The following CCDC30 variants were observed in gnomAD, a reference collection of about 807,000 sequenced individuals.
CCDC30 encodes coiled-coil domain containing 30.
Under a neutral mutation model 100.2 loss-of-function variants are expected in CCDC30, and 70 were observed. The ratio of observed to expected loss-of-function variants is 0.70; its 90% CI spans 0.58 to 0.85. The LOEUF is 0.85. Ranked by LOEUF, CCDC30 falls within the 40% of genes least tolerant of loss-of-function variation. CCDC30 has a pLI of 0.00. For missense variants in CCDC30, 652 were observed against 771.2 expected, an observed-to-expected ratio of 0.85 and a Z score of 1.83; for synonymous variants, 233 against 269.5, an observed-to-expected ratio of 0.86 and a Z score of 1.33.
intron 4 of CCDC30, among the ~76,000 whole-genome samples, chr1:42,495,851 A>G (rs1411163230): frequency 6.6e-6 from 1 of 152,238 alleles, no homozygotes; most frequent in African/African-American, 2.4e-5. Flanking sequence ...TGAAGAAGAG[A>G]ATACTTCCCA....
intron 6 of CCDC30, chr1:42,510,096 G>C: frequency 1.0e-6 from 1 of 985,360 alleles, no homozygotes. Flanking sequence ...TGTAGATGGT[G>C]GGCAGGAAGA....
At chr1:42,638,984 C>T (rs183922887) in intron 12 of CCDC30, among the ~76,000 whole-genome samples, 1 of 152,188 alleles carries the variant, frequency 6.6e-6, no homozygotes, top group Admixed American at 6.5e-5. Flanking sequence ...TCTATATTAT[C>T]AGTTCTTTTT....
At chr1:42,589,043 A>G (rs1366312527) in intron 9 of CCDC30, among the ~76,000 whole-genome samples, 1 of 152,178 alleles carries the variant, frequency 6.6e-6, no homozygotes, top group African/African-American at 2.4e-5. Flanking sequence ...CCCTACCTCC[A>G]CTTTGTCTTA....
Position 42,641,215 on chromosome 1 carries a change from TTGTGTGTGTG to T in CCDC30, c.1420-1221_1420-1212del, listed in dbSNP as rs71065188. On this transcript the variant is annotated intron_variant, in intron 12 of 16. Coordinates refer to ENST00000668663, the Ensembl canonical transcript of CCDC30. ...CAGCCTTGAACTCCACACATGGCTT[TTGTGTGTGTG>T]TGTGTGTGTGTGTGTGTGTGTGTGT... 8.8e-4 allele frequency among the ~76,000 whole-genome samples: 117 copies of T among 132,440 alleles called. 1 individual carries two copies. Among genetic ancestry groups the T allele is most frequent in the African/African-American group, 3.1e-3 (109 of 35,334 alleles). The allele number at this position is 132,440 out of a possible 152,430, so 86.9% of individuals were successfully genotyped here. A position where few individuals can be genotyped will look rare whatever the true frequency, so the allele number is the denominator to read the frequency against.
At chr1:42,642,366 A>G in intron 12 of CCDC30, 107 bp from the exon 17 acceptor site, 3 of 1,034,216 alleles carry the variant, frequency 2.9e-6, no homozygotes, top group Non-Finnish European at 4.0e-6. Context: ...ACAGGAAAAA[A>G]AAAGTAAATA....
intron 15 of CCDC30, among the ~76,000 whole-genome samples, chr1:42,646,546 G>A (rs542934376): frequency 7.9e-5 from 12 of 152,318 alleles, no homozygotes; most frequent in Admixed American, 5.2e-4. Context: ...CCTGAAGACA[G>A]GCATATCCCT....
rs546407326 is a variant in CCDC30, at chr1:42,539,077, A to G, written c.457-27219A>G. Reference sequence around the variant, plus strand: ...GAATATTTAAAACAAAAAATTTGTCAGGACCATTTCAAGATTCATTCTTAA... The same window carrying G: ...GAATATTTAAAACAAAAAATTTGTCGGGACCATTTCAAGATTCATTCTTAA... On this transcript the variant is annotated intron_variant, in intron 6 of 16. Transcript: ENST00000668663. The G allele has an allele frequency of 2.9e-6, 3 of 1,027,936 alleles. No individual in the cohort carries two copies. In the African/African-American group the frequency reaches 5.0e-5, roughly 17 times the overall value. The allele number at this position is 1,027,936 out of a possible 1,614,324, so 63.7% of individuals were successfully genotyped here.
intron 11 of CCDC30, among the ~76,000 whole-genome samples, chr1:42,633,697 G>C (rs1647086029): frequency 6.6e-6 from 1 of 152,128 alleles, no homozygotes; most frequent in Admixed American, 6.6e-5. Context: ...AACATTTGAG[G>C]CTAGGAGTTC....
chr1:42,456,246 A>C, the CCDC30 span: 207 of 605,974 alleles, frequency 3.4e-4, 1 homozygote, highest in South Asian at 3.8e-3. Context: ...AAGGAGTCCA[A>C]GTCCAGAAAG....
At chr1:42,589,599 G>A in intron 10 of CCDC30, 116 bp downstream of exon 14, 3 of 878,396 alleles carry the variant, frequency 3.4e-6, no homozygotes, top group Non-Finnish European at 5.4e-6. Flanking sequence ...GTTCAGTCAG[G>A]AAAGTAGAAT....
intron 10 of CCDC30, among the ~76,000 whole-genome samples, chr1:42,609,122 C>T (rs1053757073): frequency 1.3e-5 from 2 of 152,156 alleles, no homozygotes; most frequent in African/African-American, 2.4e-5. Context: ...TCCCTTCCAC[C>T]TTCTCCACCT....
In CCDC30 at chr1:42,650,497, ATGTGTGTG is replaced by A. The variant is rs57051349; in HGVS notation, c.1855-2843_1855-2836del. On this transcript the variant is annotated intron_variant, in intron 15 of 16. Coordinates refer to ENST00000668663, the Ensembl canonical transcript of CCDC30. ...CAAGACCCTGTCTAAAAAAATATAT[ATGTGTGTG>A]TGTGTGTGTGTGTGTGTGTGTGTGT... Among the ~76,000 whole-genome samples, 1,318 of 136,280 alleles carry A rather than the reference ATGTGTGTG, an allele frequency of 9.7e-3. 12 individuals are homozygous for A. Among genetic ancestry groups the A allele is most frequent in the African/African-American group, 0.028 (1,000 of 35,548 alleles). The allele number at this position is 136,280 out of a possible 152,430, so 89.4% of individuals were successfully genotyped here.
intron 6 of CCDC30, among the ~76,000 whole-genome samples, chr1:42,515,611 C>T (rs1644542993): frequency 6.6e-6 from 1 of 152,214 alleles, no homozygotes; most frequent in Non-Finnish European, 1.5e-5. Context: ...GTACCTTAAT[C>T]TTAAACTTCT....
At chr1:42,582,353 C>A (rs984335003) in intron 9 of CCDC30, among the ~76,000 whole-genome samples, 10 of 152,322 alleles carry the variant, frequency 6.6e-5, no homozygotes, top group Admixed American at 2.6e-4. Context: ...TTAACCATAT[C>A]ATTGCAGTCT....
chr1:42,609,504 G>T (rs1646575427), intron 10 of CCDC30, among the ~76,000 whole-genome samples: 1 of 152,092 alleles, frequency 6.6e-6, no homozygotes, highest in African/African-American at 2.4e-5. Flanking sequence ...CAGGGGTTAG[G>T]GGCACTGATT....
At chr1:42,546,399 AATATATATATATATATATAT>A (rs66804938) in intron 6 of CCDC30, among the ~76,000 whole-genome samples, 749 of 11,980 alleles carry the variant, frequency 0.063, 81 homozygotes, top group African/African-American at 0.11. Flanking sequence ...AAAAAAAAAA[AATATATATATATATATATAT>A]ATATATATAT....
chr1:42,466,994 C>G (rs1235931536), intron 1 of CCDC30, among the ~76,000 whole-genome samples: 1 of 152,172 alleles, frequency 6.6e-6, no homozygotes, highest in Non-Finnish European at 1.5e-5. Flanking sequence ...AATAAATCCA[C>G]TGGGAAAATG....
chr1:42,524,637 T>G lies in CCDC30; in HGVS notation c.456+25721T>G, dbSNP rs576801481. 1.9e-4 allele frequency among the ~76,000 whole-genome samples: 29 copies of G among 152,264 alleles called. No individual in the cohort carries two copies. In the South Asian group the frequency reaches 3.9e-3, roughly 21 times the overall value. On this transcript the variant is annotated intron_variant, in intron 6 of 16. Coordinates refer to ENST00000668663, the Ensembl canonical transcript of CCDC30. ...TAAAGGAAAGCATCCTTGTTGTCCA[T>G]TTTGACTCCCACACGTTGCATGCAA...
intron 11 of CCDC30, among the ~76,000 whole-genome samples, chr1:42,635,855 T>G (rs1647144559): frequency 6.6e-6 from 1 of 151,918 alleles, no homozygotes; most frequent in Non-Finnish European, 1.5e-5. Context: ...CTTGAGGAAC[T>G]GCCAGGCTGT....
Sources: gnomAD v4.1 joint callset for allele counts (sites outside exome capture counted in the v4.1 genomes callset) on GRCh38, gnomAD v4.1.1 for gene constraint, MANE v1.5 for transcripts, NCBI Gene and HGNC (gene_info 2026-07-23, HGNC 2026-07-21) for gene names.